The following NALCN variants were observed in gnomAD, a reference collection of about 807,000 sequenced individuals.
NALCN encodes the protein sodium leak channel NALCN.
In NALCN, 111 loss-of-function variants were observed where a neutral mutation model predicts 225.3. The observed-to-expected ratio is 0.49, with a 90% confidence interval of 0.42 to 0.58. NALCN has a LOEUF of 0.58. NALCN is among the 20% of genes least tolerant of loss of function. The pLI is 0.00. For missense variants in NALCN, 1,378 were observed against 2,202.4 expected (o/e 0.63, Z 7.49); for synonymous variants, 764 against 769.0 (o/e 0.99, Z 0.11).
intron 6 of NALCN, among the ~76,000 whole-genome samples, chr13:101,355,998 C>G (rs1170938819): frequency 1.3e-5 from 2 of 152,026 alleles, no homozygotes; most frequent in African/African-American, 4.8e-5. Flanking sequence ...TCTTTGAAAC[C>G]AATGAGAACA....
intron 18 of NALCN, among the ~76,000 whole-genome samples, chr13:101,119,878 T>C (rs1484467079): frequency 1.3e-5 from 2 of 152,212 alleles, no homozygotes; most frequent in Non-Finnish European, 2.9e-5. Context: ...GTGAATCATC[T>C]GCATTTTAGC....
intron 13 of NALCN, among the ~76,000 whole-genome samples, chr13:101,221,308 A>G (rs780154922): frequency 1.7e-4 from 26 of 152,090 alleles, no homozygotes; most frequent in Non-Finnish European, 2.9e-4. Flanking sequence ...TAGTAGAGAC[A>G]GGGTTCCACC....
intron 6 of NALCN, among the ~76,000 whole-genome samples, chr13:101,351,195 TTAATA>T (rs1190208441): frequency 3.3e-5 from 5 of 152,184 alleles, no homozygotes; most frequent in Admixed American, 6.5e-5. Flanking sequence ...CAGAAACTCT[TTAATA>T]AGTGGATCCT....
At chr13:101,397,144 C>A (rs566665336) in intron 2 of NALCN, among the ~76,000 whole-genome samples, 26 of 132,948 alleles carry the variant, frequency 2.0e-4, no homozygotes, top group African/African-American at 6.3e-4. Context: ...TGTGCATATA[C>A]ACATAGCATG....
rs947848667 is a variant in NALCN at position 101,284,004 on chromosome 13, C to T, written c.1063G>A (p.Ala355Thr). ...TATTQMFHED[A>T]AGGWQLVAVD... ...GCTACCAGCTGCCAACCTCCAGCAG[C>T]ATCTTCATGAAACATCTTCAAGACA... The change falls in exon 10 of 44, where the codon GCT becomes ACT. Residue 355 changes from alanine to threonine, a missense_variant. By Grantham distance (58) the Ala-to-Thr change is moderately conservative. This residue lies in a region of NALCN where 144 missense variants were observed against 187.7 expected (regional missense o/e 0.77). Transcript: ENST00000251127. 3 of 1,613,214 alleles carry T rather than the reference C, an allele frequency of 1.9e-6. No individual in the cohort carries two copies. Among genetic ancestry groups the T allele is most frequent in the African/African-American group, 2.7e-5 (2 of 74,906 alleles).
At chr13:101,201,020 C>T (rs993794083) in intron 13 of NALCN, among the ~76,000 whole-genome samples, 1 of 152,108 alleles carries the variant, frequency 6.6e-6, no homozygotes, top group African/African-American at 2.4e-5. Flanking sequence ...ATAGTACCAT[C>T]CCTTTGCTAT....
chr13:101,065,538 G>T lies in NALCN; in HGVS notation c.4470C>A (p.Val1490=). 6.2e-7 allele frequency: 1 copy of T among 1,614,058 alleles called. No homozygotes were observed. The highest frequency in any genetic ancestry group is 8.5e-7 in the Non-Finnish European group (1 of 1,180,024). The change falls in exon 40 of 44, where the codon GTC becomes GTA. Residue 1490 remains valine (V), a synonymous_variant. Coordinates refer to ENST00000251127, the MANE Select transcript of NALCN (RefSeq NM_052867.4). ...CACGCAGTAGCCGCAGCAGGAACTT[G>T]ACGCGGAACGTGGGGATCACCCCCT... The part of the protein sequence containing the change: ...KREGVIPTFR[V]KFLLRLLRGR...
chr13:101,060,276 T>G (rs1486334383), intron 41 of NALCN, among the ~76,000 whole-genome samples: 1 of 45,832 alleles, frequency 2.2e-5, no homozygotes, highest in Non-Finnish European at 3.8e-5. Context: ...GTGTTTTCTG[T>G]TTTTTTTTTT....
At chr13:101,086,951 C>T (rs1300024745) in intron 30 of NALCN, among the ~76,000 whole-genome samples, 2 of 152,028 alleles carry the variant, frequency 1.3e-5, no homozygotes, top group Non-Finnish European at 2.9e-5. Context: ...ACCATAGACA[C>T]TAATGTAATT....
At chr13:101,070,067 T>TTTTTTC (rs1174320056) in intron 37 of NALCN, among the ~76,000 whole-genome samples, 15 of 137,636 alleles carry the variant, frequency 1.1e-4, no homozygotes, top group African/African-American at 3.5e-4. Flanking sequence ...ATGAATGTTT[T>TTTTTTC]TTTTTTTTTT....
At chr13:101,150,317 T>A (rs961211761) in intron 15 of NALCN, among the ~76,000 whole-genome samples, 1 of 152,124 alleles carries the variant, frequency 6.6e-6, no homozygotes, top group Non-Finnish European at 1.5e-5. Flanking sequence ...CTGAGCAGGG[T>A]GCTGGGTGTG....
intron 11 of NALCN, among the ~76,000 whole-genome samples, chr13:101,238,681 A>G (rs1339442465): frequency 6.6e-6 from 1 of 151,950 alleles, no homozygotes; most frequent in African/African-American, 2.4e-5. Context: ...GCAATAGAAG[A>G]TTAACTTCTA....
At chr13:101,207,447 G>T (rs2040355682) in intron 13 of NALCN, among the ~76,000 whole-genome samples, 1 of 152,102 alleles carries the variant, frequency 6.6e-6, no homozygotes, top group Admixed American at 6.6e-5. Flanking sequence ...TTAGGCTTAG[G>T]TGGCCTTTGA....
intron 22 of NALCN, 81 bp downstream of exon 22, chr13:101,107,406 G>T (rs182069743): frequency 1.3e-6 from 2 of 1,599,416 alleles, no homozygotes; most frequent in African/African-American, 2.7e-5. Context: ...AGGATTACAC[G>T]TTCCTTCTTC....
At chr13:101,400,581 GCA>G (rs1257637955) in intron 1 of NALCN, among the ~76,000 whole-genome samples, 191 of 80,924 alleles carry the variant, frequency 2.4e-3, no homozygotes, top group African/African-American at 7.6e-3. Context: ...GTGTGTGTGT[GCA>G]CGTGTGTGCG....
chr13:101,237,639 T>C (rs1278211677), intron 12 of NALCN, 116 bp downstream of exon 12: 3 of 452,232 alleles, frequency 6.6e-6, no homozygotes, highest in East Asian at 1.0e-4. Context: ...TTTACCATAA[T>C]AGTTATTATA....
intron 11 of NALCN, among the ~76,000 whole-genome samples, chr13:101,242,853 T>C (rs1334506097): frequency 9.4e-6 from 1 of 106,508 alleles, no homozygotes; most frequent in African/African-American, 3.4e-5. Context: ...GCAGTTCTAT[T>C]CTCTCAGTAG....
chr13:101,415,055 T>C (rs1006204311), intron 1 of NALCN, among the ~76,000 whole-genome samples: 4 of 148,478 alleles, frequency 2.7e-5, no homozygotes, highest in East Asian at 3.9e-4. Context: ...TGGGAAGCCA[T>C]GATTTTTATT....
At chr13:101,273,884 CAAA>C (rs34847260) in intron 10 of NALCN, among the ~76,000 whole-genome samples, 9 of 95,852 alleles carry the variant, frequency 9.4e-5, no homozygotes, top group East Asian at 3.1e-4. Flanking sequence ...GACTCCATCT[CAAA>C]AAAAAAAAAA....
Sources: allele counts gnomAD v4.1 joint callset (sites outside exome capture counted in the v4.1 genomes callset), GRCh38; gene constraint gnomAD v4.1.1; regional missense constraint gnomAD v4.1.1; transcripts MANE v1.5; gene names NCBI Gene and HGNC (gene_info 2026-07-23, HGNC 2026-07-21).